Variants in KCNC4 observed in about 807,000 individuals in gnomAD.
KCNC4 encodes voltage-gated potassium channel KCNC4.
Under a neutral mutation model 42.8 loss-of-function variants are expected in KCNC4, and 23 were observed. The ratio of observed to expected loss-of-function variants is 0.54; its 90% CI spans 0.39 to 0.76. The LOEUF is 0.76. KCNC4 is among the 30% of genes least tolerant of loss of function. The pLI is 0.00. For missense variants in KCNC4, 751 were observed against 898.2 expected (o/e 0.84, Z 2.10); for synonymous variants, 422 against 393.5 (o/e 1.07, Z -0.86).
chr1:110,264,185 C>T (rs143154307), intron 1 of KCNC4, among the ~76,000 whole-genome samples: 139 of 152,196 alleles, frequency 9.1e-4, no homozygotes, highest in African/African-American at 3.2e-3. Context: ...CAGTGGCTTA[C>T]AGGTAAGAGT....
downstream of KCNC4, among the ~76,000 whole-genome samples, chr1:110,252,406 G>A (rs750607643): frequency 6.6e-6 from 1 of 152,178 alleles, no homozygotes; most frequent in Non-Finnish European, 1.5e-5. Flanking sequence ...AAGGATGAAA[G>A]TCTGCCCTGC....
chr1:110,247,124 C>T (rs1659166701), exon 4 of KCNC4: 1 of 151,878 alleles, frequency 6.6e-6, no homozygotes, highest in African/African-American at 2.4e-5. Context: ...GTATGTGTAT[C>T]ACATTTTCTT....
chr1:110,265,288 A>G (rs1659517586), intron 1 of KCNC4, among the ~76,000 whole-genome samples: 1 of 151,806 alleles, frequency 6.6e-6, no homozygotes, highest in African/African-American at 2.4e-5. Flanking sequence ...TAAGTTTACA[A>G]GTGGCTGATG....
chr1:110,223,977 G>T lies in KCNC4; in HGVS notation c.1615+77G>T. On this transcript the variant is annotated intron_variant, in intron 2 of 3. Transcript: ENST00000438661. The surrounding 1 kb of genome is among the most constrained non-coding windows in gnomAD (Gnocchi z 7.5). Reference sequence around the variant, plus strand: ...AGTTTCCAAATGGACCTCAGACCTTGGGATTTGGCATGTGTTTTGTGTGGG... The same window carrying T: ...AGTTTCCAAATGGACCTCAGACCTTTGGATTTGGCATGTGTTTTGTGTGGG... 2 of 1,180,268 alleles carry T rather than the reference G, an allele frequency of 1.7e-6. No homozygotes were observed. Among genetic ancestry groups the T allele is most frequent in the Non-Finnish European group, 1.2e-6 (1 of 839,888 alleles). 73.1% of individuals were successfully genotyped at this position (1,180,268 alleles called of 1,614,324 possible).
At chr1:110,236,459 G>T (rs1307583476), downstream of KCNC4, 1 of 152,172 alleles carries the variant, frequency 6.6e-6, no homozygotes, top group Non-Finnish European at 1.5e-5. Flanking sequence ...TTCCTTAACT[G>T]CAATTGATTC....
intron 1 of KCNC4, among the ~76,000 whole-genome samples, chr1:110,257,715 C>T (rs1294283177): frequency 3.1e-5 from 2 of 65,348 alleles, no homozygotes; most frequent in East Asian, 2.8e-4. Flanking sequence ...AGCGAGACTC[C>T]GTCTCAAAAA....
downstream of KCNC4, among the ~76,000 whole-genome samples, chr1:110,249,580 C>G (rs527680361): frequency 3.9e-5 from 6 of 152,248 alleles, no homozygotes; most frequent in Non-Finnish European, 7.4e-5. Flanking sequence ...ATCAATCCCC[C>G]CTCTGGGAGT....
In KCNC4 at chr1:110,210,359, C is replaced by G. The variant is rs1045131100; in HGVS notation, c.-1141C>G. 6.6e-6 allele frequency among the ~76,000 whole-genome samples: 1 copy of G among 151,656 alleles called. No homozygotes were observed. The highest frequency in any genetic ancestry group is 2.4e-5 in the African/African-American group (1 of 41,366). ...GCCAGCGCCGGAGGGAGACCATGAG[C>G]CCCTAGGGCCCCAGCCCACCGGCGC... On this transcript the variant is annotated 5_prime_UTR_variant, in exon 1 of 4. Transcript: ENST00000438661.
At chr1:110,250,434 G>C (rs1239954749), downstream of KCNC4, among the ~76,000 whole-genome samples, 1 of 152,168 alleles carries the variant, frequency 6.6e-6, no homozygotes, top group Non-Finnish European at 1.5e-5. Context: ...CCTTTGAGTT[G>C]CTTAGAATAA....
downstream of KCNC4, among the ~76,000 whole-genome samples, chr1:110,251,184 A>G (rs1011563886): frequency 1.3e-5 from 2 of 152,154 alleles, no homozygotes; most frequent in Non-Finnish European, 2.9e-5. Context: ...TGGCTTAAAG[A>G]GTCCACTTAG....
downstream of KCNC4, chr1:110,234,752 C>CCAGG (rs986521176): frequency 4.3e-4 from 66 of 152,506 alleles, no homozygotes; most frequent in African/African-American, 1.6e-3. Flanking sequence ...CCATCTTGCA[C>CCAGG]CAGGCTCTGG....
intron 1 of KCNC4, chr1:110,222,568 ATGCAGAATCACAGGACC>A (rs1183153056): frequency 4.8e-6 from 1 of 206,424 alleles, no homozygotes; most frequent in Non-Finnish European, 9.9e-6. Context: ...CTTATTACAA[ATGCAGAATCACAGGACC>A]TGCCCCAAGC....
intron 1 of KCNC4, among the ~76,000 whole-genome samples, chr1:110,273,461 G>A (rs1411588838): frequency 6.6e-6 from 1 of 152,170 alleles, no homozygotes; most frequent in Non-Finnish European, 1.5e-5. Flanking sequence ...AAAGAACAGG[G>A]ACCCTGGGTT....
downstream of KCNC4, among the ~76,000 whole-genome samples, chr1:110,250,354 C>G (rs1659229450): frequency 6.6e-6 from 1 of 152,224 alleles, no homozygotes; most frequent in African/African-American, 2.4e-5. Flanking sequence ...CTCACTCCCT[C>G]TGGCCACAAG....
chr1:110,226,378 A>C (rs2101025595), intron 3 of KCNC4, 200 bp downstream of exon 3: 1 of 610,028 alleles, frequency 1.6e-6, no homozygotes. Flanking sequence ...TCAGAAGGGC[A>C]CACGGCTCCC....
intron 3 of KCNC4, among the ~76,000 whole-genome samples, chr1:110,230,064 T>C (rs926442537): frequency 6.6e-6 from 1 of 151,796 alleles, no homozygotes; most frequent in South Asian, 2.1e-4. Flanking sequence ...TTGCATGGGG[T>C]TGGGGGTGTT....
chr1:110,247,037 AT>A (rs1328452470), exon 4 of KCNC4: 1 of 151,252 alleles, frequency 6.6e-6, no homozygotes, highest in Admixed American at 6.6e-5. Context: ...TGTCTAACGT[AT>A]TTCACCTCTT....
downstream of KCNC4, among the ~76,000 whole-genome samples, chr1:110,250,680 C>T (rs1463007628): frequency 1.3e-5 from 2 of 152,176 alleles, no homozygotes; most frequent in African/African-American, 4.8e-5. Context: ...TTTATTCACT[C>T]AGTCATCCTA....
chr1:110,273,300 T>C (rs1275775002), intron 1 of KCNC4, among the ~76,000 whole-genome samples: 1 of 152,192 alleles, frequency 6.6e-6, no homozygotes, highest in East Asian at 1.9e-4. Context: ...AGCAGATAAA[T>C]ACAACACTAA....
Sources: allele counts gnomAD v4.1 joint callset (sites outside exome capture counted in the v4.1 genomes callset), GRCh38; gene constraint gnomAD v4.1.1; non-coding constraint Gnocchi (gnomAD v3.1); transcripts MANE v1.5; gene names NCBI Gene and HGNC (gene_info 2026-07-23, HGNC 2026-07-21).